Variants in PRKG1 observed in about 807,000 individuals in gnomAD.
PRKG1 encodes protein kinase cGMP-dependent 1.
A neutral mutation model predicts 88.1 loss-of-function variants in PRKG1; 35 were observed. The observed-to-expected ratio is 0.40, with a 90% CI of 0.30 to 0.53. PRKG1 has a LOEUF of 0.53. Among genes scored for constraint, PRKG1 ranks in the 20% least tolerant of loss-of-function variants. The pLI is 0.59. For synonymous variants in PRKG1, 303 were observed against 292.5 expected (o/e 1.04, Z -0.37); for missense variants, 540 against 839.8 (o/e 0.64, Z 4.41).
chr10:51,102,339 C>A (rs1844706218), intron 1 of PRKG1, among the ~76,000 whole-genome samples: 1 of 151,836 alleles, frequency 6.6e-6, no homozygotes, highest in South Asian at 2.1e-4. Flanking sequence ...AGCTGGAGGA[C>A]AAATTGACTC....
At chr10:51,529,592 A>G (rs79955973) in intron 3 of PRKG1, among the ~76,000 whole-genome samples, 9,147 of 152,150 alleles carry the variant, frequency 0.06, 398 homozygotes, top group Middle Eastern at 0.13. Context: ...TGCATGGCAA[A>G]TCACTCATTC....
At chr10:52,249,223 A>G (rs1243310830) in intron 9 of PRKG1, among the ~76,000 whole-genome samples, 1 of 150,944 alleles carries the variant, frequency 6.6e-6, no homozygotes, top group East Asian at 2.0e-4. Context: ...AAAGCCCCCA[A>G]CCTTCTTGCC....
intron 2 of PRKG1, among the ~76,000 whole-genome samples, chr10:51,413,274 A>G (rs1838148935): frequency 6.6e-6 from 1 of 152,172 alleles, no homozygotes; most frequent in Non-Finnish European, 1.5e-5. Context: ...TTCCCCACAT[A>G]AACACTAACA....
rs74582808 is a variant in PRKG1 at position 51,116,364 on chromosome 10, C to A, written c.312-36800C>A. On this transcript the variant is annotated intron_variant, in intron 1 of 17. Coordinates refer to ENST00000373980, the MANE Select transcript of PRKG1 (RefSeq NM_006258.4). Reference sequence around the variant, plus strand: ...AAAATGAGTAGAATGTAATTATAATCCCTTCGAAGAACTAGAACTCTTCAG... The same window carrying A: ...AAAATGAGTAGAATGTAATTATAATACCTTCGAAGAACTAGAACTCTTCAG... Among the ~76,000 whole-genome samples the A allele has an allele frequency of 7.2e-3, 1,092 of 152,214 alleles. 34 individuals are homozygous for A. In the East Asian group the frequency reaches 0.079, roughly 11 times the overall value.
intron 2 of PRKG1, among the ~76,000 whole-genome samples, chr10:51,195,224 A>C (rs755114655): frequency 6.6e-6 from 1 of 152,242 alleles, no homozygotes; most frequent in Non-Finnish European, 1.5e-5. Flanking sequence ...ACTGATGAGG[A>C]CATCTTATTC....
chr10:51,229,447 C>A (rs994509878), intron 2 of PRKG1, among the ~76,000 whole-genome samples: 1 of 152,136 alleles, frequency 6.6e-6, no homozygotes, highest in African/African-American at 2.4e-5. Context: ...CTGAGAGTCA[C>A]TTTAAGGTTT....
At position 51,255,715 on chromosome 10, in the gene PRKG1, TTATTAAA is replaced by T. The variant is rs1402142055; in HGVS notation, c.478+102387_478+102393del. On this transcript the variant is annotated intron_variant, in intron 2 of 17. Transcript: ENST00000373980. Reference sequence around the variant, plus strand: ...CAGGTGCTTCCCAGCTGAGGCACTTTTATTAAATGGTTAGGCTTTATGCCAGAGATGA... The same window carrying T: ...CAGGTGCTTCCCAGCTGAGGCACTTTTGGTTAGGCTTTATGCCAGAGATGA... Among the ~76,000 whole-genome samples the T allele has an allele frequency of 2.8e-3, 433 of 152,250 alleles. 1 individual carries two copies. Among genetic ancestry groups the T allele is most frequent in the African/African-American group, 8.4e-3 (349 of 41,540 alleles).
At chr10:51,181,047 T>A (rs1405307183) in intron 2 of PRKG1, among the ~76,000 whole-genome samples, 1 of 151,982 alleles carries the variant, frequency 6.6e-6, no homozygotes, top group Non-Finnish European at 1.5e-5. Flanking sequence ...TGATAGCATG[T>A]ATTACTGTTA....
intron 5 of PRKG1, among the ~76,000 whole-genome samples, chr10:51,921,485 G>C (rs897993673): frequency 1.2e-4 from 19 of 152,082 alleles, no homozygotes; most frequent in African/African-American, 4.3e-4. Context: ...TCCTTGTCTT[G>C]GTTTTGATCT....
chr10:51,425,544 A>G (rs1445150810), intron 2 of PRKG1, among the ~76,000 whole-genome samples: 2 of 152,164 alleles, frequency 1.3e-5, no homozygotes, highest in Non-Finnish European at 2.9e-5. Flanking sequence ...GTCTGATTTA[A>G]TAGAGGAGTT....
intron 4 of PRKG1, among the ~76,000 whole-genome samples, chr10:51,879,001 T>C (rs1384679876): frequency 2.0e-5 from 3 of 152,212 alleles, no homozygotes; most frequent in African/African-American, 7.2e-5. Flanking sequence ...GACCTATCTA[T>C]AACTGTCCAA....
At chr10:51,481,656 G>A (rs10997758) in intron 3 of PRKG1, among the ~76,000 whole-genome samples, 64,265 of 151,910 alleles carry the variant, frequency 0.42, 15,434 homozygotes, top group East Asian at 0.9. Context: ...CATTATTGGC[G>A]TAATTCTCTC....
In PRKG1 at chr10:51,916,610, T is replaced by G. The variant is rs866503842; in HGVS notation, c.762+9040T>G. On this transcript the variant is annotated intron_variant, in intron 5 of 17. Coordinates refer to ENST00000373980, the MANE Select transcript of PRKG1 (RefSeq NM_006258.4). The stretch of plus-strand genomic sequence containing the variant: ...TGTGTGATATCCAAGAACCCTCTCT[T>G]GGGGTCTGGATCAGGACCCCTTTCT... 1.1e-4 allele frequency among the ~76,000 whole-genome samples: 17 copies of G among 152,304 alleles called. No individual in the cohort carries two copies. The South Asian group carries it at 1.7e-3, about 15-fold the overall frequency.
intron 3 of PRKG1, among the ~76,000 whole-genome samples, chr10:51,648,474 A>G (rs1033156454): frequency 1.3e-5 from 2 of 152,184 alleles, no homozygotes; most frequent in African/African-American, 4.8e-5. Flanking sequence ...TTAATACAGT[A>G]GTCATGATAT....
chr10:51,116,332 C>T (rs1845122819), intron 1 of PRKG1, among the ~76,000 whole-genome samples: 1 of 152,108 alleles, frequency 6.6e-6, no homozygotes, highest in Non-Finnish European at 1.5e-5. Flanking sequence ...TGATTTGCAC[C>T]TCACTCAAAA....
chr10:51,543,563 G>A (rs1842366856), intron 3 of PRKG1, among the ~76,000 whole-genome samples: 1 of 152,184 alleles, frequency 6.6e-6, no homozygotes, highest in Non-Finnish European at 1.5e-5. Flanking sequence ...ATTACTAAAA[G>A]TTTTGCAGAT....
At chr10:51,790,853 T>G (rs971271495) in intron 3 of PRKG1, among the ~76,000 whole-genome samples, 1 of 152,166 alleles carries the variant, frequency 6.6e-6, no homozygotes, top group Non-Finnish European at 1.5e-5. Context: ...AATGTTATGG[T>G]TCAATTGCTC....
intron 12 of PRKG1, among the ~76,000 whole-genome samples, chr10:52,275,136 G>A (rs1841841748): frequency 6.6e-6 from 1 of 152,118 alleles, no homozygotes; most frequent in South Asian, 2.1e-4. Flanking sequence ...TGGGTTGTCT[G>A]TTTACTCTGT....
At chr10:51,602,956 A>T (rs1308143928) in intron 3 of PRKG1, among the ~76,000 whole-genome samples, 1 of 151,740 alleles carries the variant, frequency 6.6e-6, no homozygotes, top group Non-Finnish European at 1.5e-5. Flanking sequence ...TGGATGAAAT[A>T]ATTCAAGTTT....
Sources: gnomAD v4.1 joint callset for allele counts (sites outside exome capture counted in the v4.1 genomes callset) on GRCh38, gnomAD v4.1.1 for gene constraint, MANE v1.5 for transcripts, NCBI Gene and HGNC (gene_info 2026-07-23, HGNC 2026-07-21) for gene names.